MLX: variants seen among roughly 807,000 people sequenced by gnomAD.
MLX encodes the protein MAX dimerization protein MLX.
MLX carries 15 observed loss-of-function variants against 33.0 expected under a neutral mutation model. That is an observed-to-expected ratio of 0.45 (90% confidence interval 0.30 to 0.70). The LOEUF (loss-of-function observed/expected upper bound fraction) is 0.70, where lower values mean the gene tolerates loss of function less well. MLX is among the 30% of genes least tolerant of loss of function. MLX has a pLI of 0.07. For synonymous variants in MLX, 115 were observed against 115.6 expected (o/e 0.99, Z 0.03); for missense variants, 285 against 306.3 (o/e 0.93, Z 0.52).
chr17:42,572,294 A>G lies in MLX; in HGVS notation c.*691A>G. On this transcript the variant is annotated 3_prime_UTR_variant, in exon 8 of 8. Transcript: ENST00000435881. Reference sequence around the variant, plus strand: ...GGCTATGATGCTGCATGGCAGAGGCAGGTATAACACAGCACTACATATTGG... The same window carrying G: ...GGCTATGATGCTGCATGGCAGAGGCGGGTATAACACAGCACTACATATTGG... The G allele has an allele frequency of 4.5e-6, 2 of 441,496 alleles. No individual in the cohort carries two copies. Among genetic ancestry groups the G allele is most frequent in the South Asian group, 3.2e-5 (2 of 62,662 alleles). The allele number at this position is 441,496 out of a possible 1,614,324, so 27.3% of individuals were successfully genotyped here.
At chr17:42,567,730 A>C (rs971233882) in intron 2 of MLX, 75 bp downstream of exon 2, 5 of 1,596,158 alleles carry the variant, frequency 3.1e-6, no homozygotes, top group Non-Finnish European at 4.3e-6. Context: ...GGCGTTGCCA[A>C]CCACGCCTGA....
chr17:42,567,319 G>A, intron 1 of MLX, 153 bp downstream of exon 1: 2 of 1,386,012 alleles, frequency 1.4e-6, no homozygotes, highest in Non-Finnish European at 1.9e-6. Context: ...CTCACCCCGC[G>A]TGTGCCAAGG....
rs771820892 is a variant in MLX, at chr17:42,572,914, A to T, written c.*1311A>T. 3.8e-6 allele frequency: 6 copies of T among 1,594,030 alleles called. No homozygotes were observed. Among genetic ancestry groups the T allele is most frequent in the Non-Finnish European group, 5.2e-6 (6 of 1,162,950 alleles). ...CCAAAAACAAGGTAGCCAGTGCAAG[A>T]CATCTCACTCTTCTGACATCCTGCA... On this transcript the variant is annotated 3_prime_UTR_variant, in exon 8 of 8. Transcript: ENST00000435881.
At chr17:42,569,955 C>T (rs763609431) in intron 6 of MLX, 27 bp from the exon 7 acceptor site, 5 of 1,603,296 alleles carry the variant, frequency 3.1e-6, no homozygotes, top group Non-Finnish European at 4.3e-6. Flanking sequence ...TGCTGCAGCA[C>T]CTCAGCCCTG....
rs1315219327 is a variant in MLX, at chr17:42,573,018, C to G, written c.*1415C>G. 14 of 1,614,274 alleles carry G rather than the reference C, an allele frequency of 8.7e-6. No individual in the cohort carries two copies. The African/African-American group carries it at 1.2e-4, about 14-fold the overall frequency. On this transcript the variant is annotated 3_prime_UTR_variant, in exon 8 of 8. Coordinates refer to ENST00000435881, the MANE Select transcript of MLX (RefSeq NM_198204.2). ...TAATCTTCATCCGTCTCTATCCCAA[C>G]TTCCTCCTGTGAGACAGGGAGACAA...
rs2093034335 is a variant in MLX at position 42,571,811 on chromosome 17, TGACGATAAAACTCAA to T, written c.*209_*223del. 1.7e-6 allele frequency: 1 copy of T among 584,120 alleles called. No homozygotes were observed. The highest frequency in any genetic ancestry group is 3.1e-6 in the Non-Finnish European group (1 of 327,342). 36.2% of individuals were successfully genotyped at this position (584,120 alleles called of 1,614,324 possible). A position where few individuals can be genotyped will look rare whatever the true frequency, so the allele number is the denominator to read the frequency against. ...AAAGCTTCTGATTAATTTATTATAT[TGACGATAAAACTCAA>T]ACCTACCCAGCCTTCCCCCCACTCC... On this transcript the variant is annotated 3_prime_UTR_variant, in exon 8 of 8. Transcript: ENST00000435881.
intron 7 of MLX, among the ~76,000 whole-genome samples, chr17:42,571,102 T>G (rs2093029987): frequency 6.6e-6 from 1 of 151,440 alleles, no homozygotes; most frequent in Non-Finnish European, 1.5e-5. Flanking sequence ...CAGGAGCACC[T>G]CAAATTAAAC....
In MLX at chr17:42,573,041, C is replaced by A; in HGVS notation, c.*1438C>A. 6.2e-7 allele frequency: 1 copy of A among 1,614,212 alleles called. No individual in the cohort carries two copies. Among genetic ancestry groups the A allele is most frequent in the South Asian group, 1.1e-5 (1 of 91,084 alleles). On this transcript the variant is annotated 3_prime_UTR_variant, in exon 8 of 8. Coordinates refer to ENST00000435881, the MANE Select transcript of MLX (RefSeq NM_198204.2). Reference sequence around the variant, plus strand: ...AACTTCCTCCTGTGAGACAGGGAGACAAGTGAATGAGATGTCACCAGGATA... The same window carrying A: ...AACTTCCTCCTGTGAGACAGGGAGAAAAGTGAATGAGATGTCACCAGGATA...
At chr17:42,570,413 T>G (rs1462096498) in intron 7 of MLX, among the ~76,000 whole-genome samples, 1 of 152,244 alleles carries the variant, frequency 6.6e-6, no homozygotes, top group Non-Finnish European at 1.5e-5. Flanking sequence ...GTCCAGCTCT[T>G]GGCTTTTGTC....
Position 42,570,106 on chromosome 17 carries a change from G to T in MLX, c.601G>T (p.Ala201Ser), listed in dbSNP as rs199695342. 4 of 1,614,146 alleles carry T rather than the reference G, an allele frequency of 2.5e-6. No individual in the cohort carries two copies. In the Admixed American group the frequency reaches 6.7e-5, roughly 27 times the overall value. ...IMDSLFQSFN[A>S]SISVASFQEL... is the part of the protein sequence containing the mutation. ...GGATTCCCTGTTCCAGTCCTTCAAT[G>T]CCTCCATCTCAGTGGCCAGCTTCCA... Residue 201 changes from alanine (A) to serine (S), a missense_variant, in exon 7 of 8, where the codon GCC becomes TCC. By Grantham distance (99) the Ala-to-Ser change is moderately conservative (BLOSUM62 1). Coordinates refer to ENST00000435881, the MANE Select transcript of MLX (RefSeq NM_198204.2).
In MLX at chr17:42,571,850, C is replaced by G. The variant is rs936532386; in HGVS notation, c.*247C>G. Reference sequence around the variant, plus strand: ...AAACCTACCCAGCCTTCCCCCCACTCCATGGAAGTCCTTGGGATGGGCGTC... The same window carrying G: ...AAACCTACCCAGCCTTCCCCCCACTGCATGGAAGTCCTTGGGATGGGCGTC... On this transcript the variant is annotated 3_prime_UTR_variant, in exon 8 of 8. Coordinates refer to ENST00000435881, the MANE Select transcript of MLX (RefSeq NM_198204.2). 1 of 522,816 alleles carries G rather than the reference C, an allele frequency of 1.9e-6. No homozygotes were observed. 32.4% of individuals were successfully genotyped at this position (522,816 alleles called of 1,614,324 possible).
At position 42,573,046 on chromosome 17, in the gene MLX, G is replaced by C; in HGVS notation, c.*1443G>C. ...CCTCCTGTGAGACAGGGAGACAAGT[G>C]AATGAGATGTCACCAGGATAAGACC... On this transcript the variant is annotated 3_prime_UTR_variant, in exon 8 of 8. Coordinates refer to ENST00000435881, the MANE Select transcript of MLX (RefSeq NM_198204.2). The C allele has an allele frequency of 6.2e-7, 1 of 1,614,192 alleles. No individual in the cohort carries two copies.
chr17:42,570,723 T>C (rs1169042917), intron 7 of MLX, among the ~76,000 whole-genome samples: 1 of 152,100 alleles, frequency 6.6e-6, no homozygotes, highest in Non-Finnish European at 1.5e-5. Context: ...TGGCACAATC[T>C]CGGCTCACTG....
chr17:42,567,495 A>G (rs2093013031), intron 1 of MLX, 124 bp from the exon 2 acceptor site: 1 of 1,520,488 alleles, frequency 6.6e-7, no homozygotes, highest in Non-Finnish European at 8.9e-7. Context: ...TGTGTGTGCA[A>G]GCGCGCAGGG....
chr17:42,567,189 C>A, intron 1 of MLX, 23 bp downstream of exon 1: 1 of 1,290,992 alleles, frequency 7.7e-7, no homozygotes, highest in Non-Finnish European at 9.8e-7. Context: ...GGCGCGCACG[C>A]CGGCGAGGGG....
Position 42,572,462 on chromosome 17 carries a change from C to T in MLX, c.*859C>T. 2.2e-6 allele frequency: 1 copy of T among 454,526 alleles called. No homozygotes were observed. Among genetic ancestry groups the T allele is most frequent in the Non-Finnish European group, 4.4e-6 (1 of 226,764 alleles). The allele number at this position is 454,526 out of a possible 1,614,324, so 28.2% of individuals were successfully genotyped here. On this transcript the variant is annotated 3_prime_UTR_variant, in exon 8 of 8. Transcript: ENST00000435881. ...AGTGTTGCCTGCATTTCTCCCAGGA[C>T]TTGGGGGTGGGGTGAAAAGCGTACA...
At chr17:42,571,029 G>A (rs1006245938) in intron 7 of MLX, among the ~76,000 whole-genome samples, 2 of 151,914 alleles carry the variant, frequency 1.3e-5, no homozygotes. Context: ...GTGAACACTC[G>A]TATACCCGCT....
At position 42,567,254 on chromosome 17, in the gene MLX, C is replaced by A. The variant is rs765662123; in HGVS notation, c.42+88C>A. 22 of 1,336,920 alleles carry A rather than the reference C, an allele frequency of 1.6e-5. No homozygotes were observed. Among genetic ancestry groups the A allele is most frequent in the South Asian group, 6.8e-5 (3 of 44,368 alleles). 82.8% of individuals were successfully genotyped at this position (1,336,920 alleles called of 1,614,324 possible). A position where few individuals can be genotyped will look rare whatever the true frequency, so the allele number is the denominator to read the frequency against. ...GGCCGGAAGACGAGGGGCTTCCCTCCTGTCCCCAAAGTCCCCCACGCTCTC... is the reference window on the plus strand; with the variant it reads ...GGCCGGAAGACGAGGGGCTTCCCTCATGTCCCCAAAGTCCCCCACGCTCTC... On this transcript the variant is annotated intron_variant, in intron 1 of 7. Coordinates refer to ENST00000435881, the MANE Select transcript of MLX (RefSeq NM_198204.2).
Position 42,567,176 on chromosome 17 carries a change from G to A in MLX, c.42+10G>A, listed in dbSNP as rs2093011286. The A allele has an allele frequency of 2.3e-6, 3 of 1,293,024 alleles. No individual in the cohort carries two copies. The highest frequency in any genetic ancestry group is 1.5e-5 in the African/African-American group (1 of 65,766). The allele number at this position is 1,293,024 out of a possible 1,614,324, so 80.1% of individuals were successfully genotyped here. ...GGACCCTTGGGTCAAGGCAAGCCCC[G>A]TGGGCGCGCACGCCGGCGAGGGGAG... On this transcript the variant is annotated intron_variant, in intron 1 of 7. Coordinates refer to ENST00000435881, the MANE Select transcript of MLX (RefSeq NM_198204.2).
Sources: gnomAD v4.1 joint callset for allele counts (sites outside exome capture counted in the v4.1 genomes callset) on GRCh38, gnomAD v4.1.1 for gene constraint, MANE v1.5 for transcripts, NCBI Gene and HGNC (gene_info 2026-07-23, HGNC 2026-07-21) for gene names.